The following XIRP2 variants were observed in gnomAD, a reference collection of about 807,000 sequenced individuals.
XIRP2 encodes xin actin binding repeat containing 2, also known as xin actin-binding repeat-containing protein 2.
In XIRP2, 236 loss-of-function variants were observed where a neutral mutation model predicts 277.0. The ratio of observed to expected loss-of-function variants is 0.85; its 90% confidence interval spans 0.77 to 0.95. The LOEUF is 0.95. Among genes scored for constraint, XIRP2 ranks in the 40% least tolerant of loss-of-function variants. The pLI, the probability that XIRP2 is intolerant of heterozygous loss-of-function variation, is 0.00. For missense variants in XIRP2, 4,640 were observed against 4,157.5 expected, an observed-to-expected ratio of 1.12 and a Z score of -3.19; for synonymous variants, 1,490 against 1,416.5, an observed-to-expected ratio of 1.05 and a Z score of -1.17.
At chr2:166,946,618 T>A (rs1232381842) in intron 2 of XIRP2, among the ~76,000 whole-genome samples, 1 of 152,106 alleles carries the variant, frequency 6.6e-6, no homozygotes, top group Non-Finnish European at 1.5e-5. Flanking sequence ...TTAATAAATA[T>A]AGACACTCAT....
At position 167,247,319 on chromosome 2, in the gene XIRP2, T is replaced by G; in HGVS notation, c.5927T>G (p.Leu1976Arg). The G allele has an allele frequency of 6.2e-7, 1 of 1,613,730 alleles. No individual in the cohort carries two copies. Among genetic ancestry groups the G allele is most frequent in the Non-Finnish European group, 8.5e-7 (1 of 1,179,832 alleles). Residue 1976 changes from leucine (L) to arginine (R), a missense_variant, in exon 9 of 11, where the codon CTT becomes CGT. Leu to Arg is a moderately radical substitution (Grantham distance 102). Transcript: ENST00000409195. ...GCTGTCCAGAGGAACAAAAATAGTC[T>G]TCTTCAGCCAAAGCCAGGTCCATTT... ...QVAVQRNKNS[L>R]LQPKPGPFEP...
intron 2 of XIRP2, among the ~76,000 whole-genome samples, chr2:166,935,465 C>CGCGTTTGTT (rs1685469004): frequency 8.4e-6 from 1 of 118,740 alleles, no homozygotes; most frequent in Admixed American, 1.0e-4. Flanking sequence ...GCACAACGTG[C>CGCGTTTGTT]ACGTTTGTTA....
chr2:167,237,278 AAT>A (rs1408123723), intron 5 of XIRP2, among the ~76,000 whole-genome samples: 1 of 152,220 alleles, frequency 6.6e-6, no homozygotes. Context: ...TAACTTTTAA[AAT>A]ATGTGTCAAA....
intron 2 of XIRP2, among the ~76,000 whole-genome samples, chr2:167,096,242 T>C (rs1690314677): frequency 6.6e-6 from 1 of 152,174 alleles, no homozygotes; most frequent in Non-Finnish European, 1.5e-5. Flanking sequence ...TATTGGTCTA[T>C]TCAGGGATTT....
chr2:167,032,031 T>C (rs2105506223), intron 2 of XIRP2, among the ~76,000 whole-genome samples: 1 of 152,282 alleles, frequency 6.6e-6, no homozygotes, highest in Non-Finnish European at 1.5e-5. Flanking sequence ...GCTGGAAGCA[T>C]CATGCTACCT....
chr2:167,063,947 C>G (rs1689236224), intron 2 of XIRP2, among the ~76,000 whole-genome samples: 3 of 150,412 alleles, frequency 2.0e-5, no homozygotes, highest in Admixed American at 2.0e-4. Context: ...AGTATAATAT[C>G]TACATTTAGT....
chr2:167,110,988 A>G (rs1398476785), intron 2 of XIRP2, among the ~76,000 whole-genome samples: 1 of 152,074 alleles, frequency 6.6e-6, no homozygotes, highest in Non-Finnish European at 1.5e-5. Context: ...TTGTTGGTGT[A>G]TAGGAGTGCT....
At chr2:167,209,868 G>A (rs1232706475) in intron 3 of XIRP2, among the ~76,000 whole-genome samples, 2 of 152,072 alleles carry the variant, frequency 1.3e-5, no homozygotes, top group African/African-American at 4.8e-5. Context: ...TCAGGCATAC[G>A]TTTTCTTCTG....
chr2:167,198,077 G>C (rs1693569990), intron 3 of XIRP2, among the ~76,000 whole-genome samples: 1 of 152,104 alleles, frequency 6.6e-6, no homozygotes, highest in South Asian at 2.1e-4. Context: ...AATTTTTAAA[G>C]ATAAATAACT....
rs756049993 is a variant in XIRP2 at position 167,248,912 on chromosome 2, C to A, written c.7520C>A (p.Thr2507Asn). The change falls in exon 9 of 11, where the codon ACT becomes AAT. Residue 2507 changes from threonine (T) to asparagine (N), a missense_variant. Coordinates refer to ENST00000409195, the MANE Select transcript of XIRP2 (RefSeq NM_152381.6). ...TGTCTCTCACACACAGTTCCAGGAA[C>A]TTCAGCACCCAGGAAAAAACAGATT... is the stretch of plus-strand genomic sequence containing the variant. Reference protein sequence around the residue: ...ANCLSHTVPGTSAPRKKQIAP... With the variant: ...ANCLSHTVPGNSAPRKKQIAP... The A allele has an allele frequency of 6.2e-7, 1 of 1,613,810 alleles. No homozygotes were observed. Among genetic ancestry groups the A allele is most frequent in the South Asian group, 1.1e-5 (1 of 91,072 alleles).
rs1338145469 is a variant in XIRP2, at chr2:167,244,243, A to G, written c.2851A>G (p.Ile951Val). The G allele has an allele frequency of 1.9e-6, 3 of 1,613,736 alleles. No individual in the cohort carries two copies. The Admixed American group carries it at 5.0e-5, about 27-fold the overall frequency. Reference sequence around the variant, plus strand: ...AGGAGATGTGAAGAATTACACACATATCTTTGAATCAAACAATTTAATTAA... The same window carrying G: ...AGGAGATGTGAAGAATTACACACATGTCTTTGAATCAAACAATTTAATTAA... Reference protein sequence around the residue: ...DRGDVKNYTHIFESNNLIKFD... With the variant: ...DRGDVKNYTHVFESNNLIKFD... The change falls in exon 9 of 11, where the codon ATC becomes GTC. Residue 951 changes from isoleucine to valine, a missense_variant. Physicochemically the swap from Ile to Val is conservative, Grantham distance 29 (BLOSUM62 3). Coordinates refer to ENST00000409195, the MANE Select transcript of XIRP2 (RefSeq NM_152381.6).
At chr2:167,003,124 C>A (rs1687414958) in intron 2 of XIRP2, among the ~76,000 whole-genome samples, 1 of 151,536 alleles carries the variant, frequency 6.6e-6, no homozygotes, top group Non-Finnish European at 1.5e-5. Flanking sequence ...TATAATGTGA[C>A]AATCAAAAAC....
rs1415082205 is a variant in XIRP2, at chr2:167,187,926, A to ATC, written c.563-22809_563-22808insTC. 7.9e-5 allele frequency among the ~76,000 whole-genome samples: 12 copies of ATC among 152,292 alleles called. No individual in the cohort carries two copies. The East Asian group carries it at 2.3e-3, about 29-fold the overall frequency. On this transcript the variant is annotated intron_variant, in intron 3 of 10. Transcript: ENST00000409195. ...GTATTTCTTGGAATTTGTTGAGGGA[A>ATC]AGGAAGAGTTTACAACATTTTCAAC...
At chr2:166,913,042 T>C (rs537344596) in intron 2 of XIRP2, among the ~76,000 whole-genome samples, 26 of 152,320 alleles carry the variant, frequency 1.7e-4, no homozygotes, top group African/African-American at 6.3e-4. Context: ...GTCAGGCTAC[T>C]CAGGGGTCAG....
At position 167,247,826 on chromosome 2, in the gene XIRP2, A is replaced by G. The variant is rs1403975928; in HGVS notation, c.6434A>G (p.Lys2145Arg). 1.1e-5 allele frequency: 18 copies of G among 1,613,382 alleles called. No homozygotes were observed. Among genetic ancestry groups the G allele is most frequent in the Non-Finnish European group, 1.4e-5 (16 of 1,179,700 alleles). ...GAGGGTTTTCATATAAAGAGTCCTAAAAAGACCAAAAATATTAAAATATTA... is the reference window on the plus strand; with the variant it reads ...GAGGGTTTTCATATAAAGAGTCCTAGAAAGACCAAAAATATTAAAATATTA... ...KMEGFHIKSP[K>R]KTKNIKILTD... Residue 2145 changes from lysine (K) to arginine (R), a missense_variant, in exon 9 of 11, where the codon AAA becomes AGA. Physicochemically the swap from Lys to Arg is conservative, Grantham distance 26 (BLOSUM62 2). Transcript: ENST00000409195.
At chr2:167,132,505 T>C (rs369522889) in intron 2 of XIRP2, among the ~76,000 whole-genome samples, 1,944 of 138,092 alleles carry the variant, frequency 0.014, 40 homozygotes, top group African/African-American at 0.053. Context: ...CATGTGTGCA[T>C]GTGTATACAC....
At chr2:167,145,052 C>G (rs1031495788) in intron 3 of XIRP2, among the ~76,000 whole-genome samples, 1 of 152,140 alleles carries the variant, frequency 6.6e-6, no homozygotes, top group Non-Finnish European at 1.5e-5. Flanking sequence ...TGTCTTTGCT[C>G]ATTCCTGGTG....
intron 2 of XIRP2, among the ~76,000 whole-genome samples, chr2:166,954,985 G>T (rs540783878): frequency 6.6e-6 from 1 of 151,890 alleles, no homozygotes; most frequent in South Asian, 2.1e-4. Context: ...TAGGTGATGG[G>T]TTGATAGGTG....
intron 2 of XIRP2, among the ~76,000 whole-genome samples, chr2:167,133,338 T>G (rs1691440963): frequency 6.6e-6 from 1 of 152,160 alleles, no homozygotes; most frequent in South Asian, 2.1e-4. Flanking sequence ...TCTACACAGC[T>G]GCCTCCTTAC....
Sources: allele counts gnomAD v4.1 joint callset (sites outside exome capture counted in the v4.1 genomes callset), GRCh38; gene constraint gnomAD v4.1.1; transcripts MANE v1.5; gene names NCBI Gene and HGNC (gene_info 2026-07-23, HGNC 2026-07-21).